BRI3: variants seen among roughly 807,000 people sequenced by gnomAD.
BRI3 encodes brain protein I3, also known as membrane protein BRI3.
Under a neutral mutation model 12.8 loss-of-function variants are expected in BRI3, and 6 were observed. The ratio of observed to expected loss-of-function variants is 0.47; its 90% CI spans 0.26 to 0.93. The LOEUF (loss-of-function observed/expected upper bound fraction) is 0.93, where lower values mean the gene tolerates loss of function less well. BRI3 is among the 40% of genes least tolerant of loss of function. BRI3 has a pLI of 0.15. For synonymous variants in BRI3, 91 were observed against 76.1 expected, an observed-to-expected ratio of 1.20 and a Z score of -1.02; for missense variants, 134 against 171.1, an observed-to-expected ratio of 0.78 and a Z score of 1.21.
chr7:98,323,090 C>T, the BRI3 span: 1 of 152,228 alleles, frequency 6.6e-6, no homozygotes, highest in African/African-American at 2.4e-5. Context: ...AGGGCTCCAC[C>T]CTCCGAGTAA....
At chr7:98,295,276 T>C (rs1800143808), downstream of BRI3, among the ~76,000 whole-genome samples, 1 of 152,180 alleles carries the variant, frequency 6.6e-6, no homozygotes, top group South Asian at 2.1e-4. Context: ...GCCCCAGGGC[T>C]GTGCCTGAGA....
At chr7:98,306,724 T>G in intron 1 of BRI3, 1 of 700,326 alleles carries the variant, frequency 1.4e-6, no homozygotes, top group Non-Finnish European at 2.2e-6. Context: ...TTTTTTTTAA[T>G]AGAGACAGGG....
chr7:98,307,693 T>C, exon 2 of BRI3: 1 of 1,613,956 alleles, frequency 6.2e-7, no homozygotes. Context: ...ACTTACGCCT[T>C]GGACACGTCG....
At chr7:98,300,304 T>A (rs1225817680) in intron 1 of BRI3, among the ~76,000 whole-genome samples, 1 of 152,138 alleles carries the variant, frequency 6.6e-6, no homozygotes, top group Non-Finnish European at 1.5e-5. Flanking sequence ...CACCAATGCG[T>A]CTGTAGGCTG....
the BRI3 span, chr7:98,317,324 C>T: frequency 1.2e-6 from 2 of 1,614,164 alleles, no homozygotes; most frequent in Non-Finnish European, 1.7e-6. Flanking sequence ...CTAATTTATT[C>T]TTGTGTTCTG....
At chr7:98,312,154 G>C (rs1800898179), downstream of BRI3, 1 of 1,613,974 alleles carries the variant, frequency 6.2e-7, no homozygotes, top group Non-Finnish European at 8.5e-7. Context: ...CGGGGGTAGA[G>C]GCTGGGGTCT....
chr7:98,291,245 G>C lies in BRI3; in HGVS notation c.*2G>C. 3 of 1,612,826 alleles carry C rather than the reference G, an allele frequency of 1.9e-6. No individual in the cohort carries two copies. The highest frequency in any genetic ancestry group is 2.5e-6 in the Non-Finnish European group (3 of 1,180,006). On this transcript the variant is annotated 3_prime_UTR_variant, in exon 3 of 3. Coordinates refer to ENST00000297290, the MANE Select transcript of BRI3 (RefSeq NM_015379.5). ...AACTGTGGAGCCACCTTCGCTTAAA[G>C]GGAACACCAGGCCCGGCTTTCCTAC...
chr7:98,320,143 G>A, the BRI3 span: 4 of 1,605,422 alleles, frequency 2.5e-6, no homozygotes, highest in East Asian at 8.9e-5. Context: ...TTAACAAAAG[G>A]AAATAAATTC....
At chr7:98,290,963 G>A (rs1203590046) in intron 2 of BRI3, 148 bp from the exon 3 acceptor site, 2 of 685,882 alleles carry the variant, frequency 2.9e-6, no homozygotes, top group South Asian at 5.8e-5. Context: ...CTGGGTGGTG[G>A]GGTGGGGGGC....
exon 2 of BRI3, chr7:98,307,650 C>T (rs1479910826): frequency 1.3e-5 from 21 of 1,608,130 alleles, no homozygotes; most frequent in African/African-American, 4.0e-5. Flanking sequence ...AGGGAGGGGC[C>T]GTCTGGTGCC....
chr7:98,303,669 AG>A (rs897968874), upstream of BRI3, among the ~76,000 whole-genome samples: 1 of 152,204 alleles, frequency 6.6e-6, no homozygotes, highest in Non-Finnish European at 1.5e-5. Context: ...CCGGGAGCCC[AG>A]GACCTCCATG....
downstream of BRI3, among the ~76,000 whole-genome samples, chr7:98,313,569 T>C (rs1247572612): frequency 6.6e-6 from 1 of 152,138 alleles, no homozygotes; most frequent in Non-Finnish European, 1.5e-5. Context: ...AGACATGCTG[T>C]TGACAAAAGT....
At chr7:98,317,493 TGG>T in the BRI3 span, 1 of 1,128,462 alleles carries the variant, frequency 8.9e-7, no homozygotes, top group Admixed American at 2.1e-5. Flanking sequence ...TCACACTGGC[TGG>T]GGCCCCCACA....
At chr7:98,320,276 T>C in the BRI3 span, 2 of 1,608,872 alleles carry the variant, frequency 1.2e-6, no homozygotes. Context: ...TGTGGGTACT[T>C]GAAATCTCTA....
chr7:98,308,817 A>AAGTAG (rs1800763448), exon 2 of BRI3: 2 of 154,082 alleles, frequency 1.3e-5, no homozygotes, highest in Admixed American at 1.3e-4. Context: ...AGCTGGGACT[A>AAGTAG]CAGGCACACG....
downstream of BRI3, chr7:98,292,550 C>A: frequency 7.9e-7 from 1 of 1,266,608 alleles, no homozygotes; most frequent in Admixed American, 2.0e-5. Context: ...GGGCTCAGGG[C>A]AGCCAGTGCG....
chr7:98,308,587 T>C, exon 2 of BRI3: 3 of 309,210 alleles, frequency 9.7e-6, no homozygotes, highest in South Asian at 8.9e-5. Context: ...TCTCTACCCA[T>C]GAGCACGAGG....
upstream of BRI3, among the ~76,000 whole-genome samples, chr7:98,306,216 G>A (rs1437804111): frequency 6.6e-6 from 1 of 152,150 alleles, no homozygotes; most frequent in East Asian, 1.9e-4. Context: ...CTGCAGGACT[G>A]CGAGGAGTAG....
chr7:98,308,442 C>T (rs904791232), exon 2 of BRI3: 2 of 371,342 alleles, frequency 5.4e-6, no homozygotes, highest in Non-Finnish European at 1.1e-5. Context: ...GTGCCAGTCA[C>T]GATCTCAATG....
Sources: gnomAD v4.1 joint callset for allele counts (sites outside exome capture counted in the v4.1 genomes callset) on GRCh38, gnomAD v4.1.1 for gene constraint, MANE v1.5 for transcripts, NCBI Gene and HGNC (gene_info 2026-07-23, HGNC 2026-07-21) for gene names.